Variants in AEBP2 observed in about 807,000 individuals in gnomAD.
The protein encoded by AEBP2 is AE binding protein 2.
A neutral mutation model predicts 50.8 loss-of-function variants in AEBP2; 10 were observed. That is an observed-to-expected ratio of 0.20 (90% CI 0.12 to 0.33). AEBP2 has a LOEUF of 0.33. Among genes scored for constraint, AEBP2 ranks in the 10% least tolerant of loss-of-function variants. AEBP2 has a pLI of 1.00. For missense variants in AEBP2, 570 were observed against 688.0 expected, an observed-to-expected ratio of 0.83 and a Z score of 1.92; for synonymous variants, 296 against 261.3, an observed-to-expected ratio of 1.13 and a Z score of -1.28.
chr12:19,443,369 T>C (rs953763244), intron 1 of AEBP2, among the ~76,000 whole-genome samples: 12 of 150,506 alleles, frequency 8.0e-5, no homozygotes, highest in Non-Finnish European at 1.2e-4. Context: ...AGTGCTGGGA[T>C]TACAGGAGTG....
chr12:19,418,477 T>TG (rs1429434863), intron 1 of AEBP2, among the ~76,000 whole-genome samples: 1 of 151,500 alleles, frequency 6.6e-6, no homozygotes, highest in Non-Finnish European at 1.5e-5. Flanking sequence ...GCAGTCTTCT[T>TG]GCCTTGGCCA....
intron 1 of AEBP2, among the ~76,000 whole-genome samples, chr12:19,425,520 C>A (rs1306581536): frequency 1.3e-5 from 2 of 151,990 alleles, no homozygotes; most frequent in Non-Finnish European, 2.9e-5. Flanking sequence ...AATCCCAGCA[C>A]TTTGGGAAGG....
intron 1 of AEBP2, among the ~76,000 whole-genome samples, chr12:19,432,015 G>T (rs2095751685): frequency 6.6e-6 from 1 of 152,164 alleles, no homozygotes; most frequent in Non-Finnish European, 1.5e-5. Flanking sequence ...TCTGTTGCTG[G>T]GCTCAAGCAT....
At chr12:19,502,805 C>T (rs188396820) in intron 5 of AEBP2, among the ~76,000 whole-genome samples, 3 of 152,144 alleles carry the variant, frequency 2.0e-5, no homozygotes, top group Non-Finnish European at 4.4e-5. Flanking sequence ...TGTACCACCA[C>T]GCCTGGCTAA....
At chr12:19,489,291 A>C (rs1948860489) in intron 3 of AEBP2, among the ~76,000 whole-genome samples, 1 of 152,176 alleles carries the variant, frequency 6.6e-6, no homozygotes, top group Admixed American at 6.5e-5. Context: ...GGTGAAGGGG[A>C]AGCAGTATCT....
chr12:19,451,443 C>T (rs954940517), intron 1 of AEBP2, among the ~76,000 whole-genome samples: 1 of 152,112 alleles, frequency 6.6e-6, no homozygotes, highest in African/African-American at 2.4e-5. Flanking sequence ...TTCCACTTTG[C>T]GGCTTCAAGG....
chr12:19,495,810 C>CT (rs1948969750), intron 4 of AEBP2, among the ~76,000 whole-genome samples: 1 of 152,104 alleles, frequency 6.6e-6, no homozygotes, highest in African/African-American at 2.4e-5. Context: ...TCCCAAAGTG[C>CT]TAGGATTACA....
intron 1 of AEBP2, among the ~76,000 whole-genome samples, chr12:19,460,675 G>T (rs1195238271): frequency 2.5e-4 from 36 of 146,646 alleles, no homozygotes; most frequent in African/African-American, 9.1e-4. Context: ...TTTTTTTTGA[G>T]ACAGAGTCTA....
chr12:19,445,597 C>T (rs1948047290), intron 1 of AEBP2, among the ~76,000 whole-genome samples: 1 of 152,106 alleles, frequency 6.6e-6, no homozygotes, highest in Non-Finnish European at 1.5e-5. Context: ...GAGAGAATCA[C>T]TGCACAAATG....
chr12:19,457,517 C>T (rs944891691), intron 1 of AEBP2: 82 of 1,485,536 alleles, frequency 5.5e-5, no homozygotes, highest in South Asian at 3.9e-5. Context: ...CAGCAGCCTC[C>T]TTCTCAATTT....
At chr12:19,513,330 A>G (rs1350299747) in intron 6 of AEBP2, among the ~76,000 whole-genome samples, 2 of 131,462 alleles carry the variant, frequency 1.5e-5, no homozygotes, top group Admixed American at 9.4e-5. Context: ...GTATTTTTTT[A>G]TCTTTCTTAT....
At chr12:19,463,244 C>T (rs1948409802) in intron 2 of AEBP2, among the ~76,000 whole-genome samples, 2 of 152,164 alleles carry the variant, frequency 1.3e-5, no homozygotes, top group Admixed American at 6.6e-5. Flanking sequence ...TTAGTATTGA[C>T]CTATATGTCC....
intron 1 of AEBP2, among the ~76,000 whole-genome samples, chr12:19,449,803 A>G (rs1948134830): frequency 6.6e-6 from 1 of 152,218 alleles, no homozygotes; most frequent in East Asian, 1.9e-4. Flanking sequence ...ACAAAGCCAT[A>G]TATTTTACTT....
intron 3 of AEBP2, among the ~76,000 whole-genome samples, chr12:19,491,171 G>GTTA (rs1310199306): frequency 6.6e-6 from 1 of 152,100 alleles, no homozygotes; most frequent in Non-Finnish European, 1.5e-5. Flanking sequence ...TTTAAAAAGC[G>GTTA]TTATTATTTC....
chr12:19,490,154 G>T (rs1421892730), intron 3 of AEBP2, among the ~76,000 whole-genome samples: 1 of 151,356 alleles, frequency 6.6e-6, no homozygotes, highest in African/African-American at 2.4e-5. Flanking sequence ...AACTCTTGAT[G>T]GTAACATTAC....
intron 2 of AEBP2, among the ~76,000 whole-genome samples, chr12:19,469,684 C>G (rs993271503): frequency 3.3e-5 from 5 of 152,148 alleles, no homozygotes; most frequent in African/African-American, 1.2e-4. Context: ...TGTCTTCTAG[C>G]CATCATCTTG....
Position 19,442,538 on chromosome 12 carries a change from T to G in AEBP2, c.671+2168T>G, listed in dbSNP as rs574486027. On this transcript the variant is annotated intron_variant, in intron 1 of 7. Coordinates refer to ENST00000266508, the MANE Select transcript of AEBP2 (RefSeq NM_153207.5). ...AGTTGTGGCTTTTATTTGACATTAA[T>G]GAGATATTTACTTGAGTATATAATT... Among the ~76,000 whole-genome samples the G allele has an allele frequency of 1.9e-4, 29 of 152,352 alleles. 1 individual carries two copies. Among genetic ancestry groups the G allele is most frequent in the African/African-American group, 6.7e-4 (28 of 41,584 alleles).
intron 3 of AEBP2, among the ~76,000 whole-genome samples, chr12:19,484,580 G>A (rs1436883435): frequency 6.6e-6 from 1 of 151,894 alleles, no homozygotes; most frequent in Non-Finnish European, 1.5e-5. Flanking sequence ...TCACCATGTT[G>A]GCCAGGATGG....
At chr12:19,498,351 T>G (rs1949018021) in intron 4 of AEBP2, among the ~76,000 whole-genome samples, 1 of 152,222 alleles carries the variant, frequency 6.6e-6, no homozygotes, top group East Asian at 1.9e-4. Context: ...TGTCACTGCC[T>G]TCTTAGTCTT....
Sources: allele counts gnomAD v4.1 joint callset (sites outside exome capture counted in the v4.1 genomes callset), GRCh38; gene constraint gnomAD v4.1.1; transcripts MANE v1.5; gene names NCBI Gene and HGNC (gene_info 2026-07-23, HGNC 2026-07-21).